The following CDK14 variants were observed in gnomAD, a reference collection of about 807,000 sequenced individuals.
CDK14 encodes the protein cyclin dependent kinase 14.
Under a neutral mutation model 60.7 loss-of-function variants are expected in CDK14, and 34 were observed. That is an observed-to-expected ratio of 0.56 (90% confidence interval 0.43 to 0.75). The LOEUF is 0.75. Among genes scored for constraint, CDK14 ranks in the 30% least tolerant of loss-of-function variants. CDK14 has a pLI of 0.00. For synonymous variants in CDK14, 197 were observed against 203.7 expected, an observed-to-expected ratio of 0.97 and a Z score of 0.28; for missense variants, 482 against 564.1, an observed-to-expected ratio of 0.85 and a Z score of 1.47.
intron 6 of CDK14, among the ~76,000 whole-genome samples, chr7:90,894,761 A>G (rs1374620859): frequency 1.3e-5 from 2 of 152,236 alleles, no homozygotes; most frequent in Admixed American, 1.3e-4. Context: ...CATGCCATAT[A>G]TATAACACCA....
intron 5 of CDK14, among the ~76,000 whole-genome samples, chr7:90,844,988 G>T (rs1450816490): frequency 6.6e-6 from 1 of 152,048 alleles, no homozygotes; most frequent in Non-Finnish European, 1.5e-5. Context: ...AATATCTAGC[G>T]AGAGAGAGAG....
chr7:91,013,698 C>T (rs1250112842), intron 10 of CDK14, among the ~76,000 whole-genome samples: 2 of 139,688 alleles, frequency 1.4e-5, no homozygotes, highest in African/African-American at 5.3e-5. Flanking sequence ...ACTGCTTCTC[C>T]TTGATTTACC....
intron 5 of CDK14, among the ~76,000 whole-genome samples, chr7:90,816,624 T>G (rs1789368769): frequency 6.6e-6 from 1 of 152,148 alleles, no homozygotes; most frequent in South Asian, 2.1e-4. Flanking sequence ...TATTGAAGAT[T>G]GTGTCCAGTT....
intron 5 of CDK14, among the ~76,000 whole-genome samples, chr7:90,861,311 C>T (rs1226655827): frequency 1.3e-5 from 2 of 152,102 alleles, no homozygotes; most frequent in Non-Finnish European, 2.9e-5. Flanking sequence ...CTCCAAAAGT[C>T]ATAAATCCAA....
intron 2 of CDK14, among the ~76,000 whole-genome samples, chr7:90,644,957 G>A (rs1453471288): frequency 1.3e-5 from 2 of 152,158 alleles, no homozygotes; most frequent in Admixed American, 1.3e-4. Context: ...TAAGGTAGAT[G>A]GTTATGAATT....
At chr7:91,029,043 A>G (rs1796682789) in intron 10 of CDK14, among the ~76,000 whole-genome samples, 1 of 152,144 alleles carries the variant, frequency 6.6e-6, no homozygotes, top group Non-Finnish European at 1.5e-5. Flanking sequence ...GCCAATGTCC[A>G]GAAGAGTTTT....
intron 14 of CDK14, among the ~76,000 whole-genome samples, chr7:91,193,439 C>G (rs1380536047): frequency 6.6e-6 from 1 of 152,044 alleles, no homozygotes; most frequent in Non-Finnish European, 1.5e-5. Context: ...CTTCTTGGCA[C>G]TAGTGTTTAT....
At chr7:90,603,110 A>G (rs866221802) in intron 1 of CDK14, among the ~76,000 whole-genome samples, 2 of 152,240 alleles carry the variant, frequency 1.3e-5, no homozygotes, top group South Asian at 4.1e-4. Flanking sequence ...TGTATAAAGC[A>G]GCAAACACCT....
At chr7:90,683,296 G>A (rs1801358288) in intron 2 of CDK14, among the ~76,000 whole-genome samples, 2 of 152,084 alleles carry the variant, frequency 1.3e-5, no homozygotes, top group Non-Finnish European at 2.9e-5. Flanking sequence ...ATTAATTACT[G>A]TTTTTAAAGA....
intron 4 of CDK14, among the ~76,000 whole-genome samples, chr7:90,771,685 G>A (rs6953069): frequency 0.083 from 12,566 of 152,244 alleles, 583 homozygotes; most frequent in South Asian, 0.11. Flanking sequence ...GGGCTGAAGT[G>A]AAGGCTTGGC....
intron 4 of CDK14, among the ~76,000 whole-genome samples, chr7:90,783,601 TA>T (rs1805438089): frequency 6.6e-6 from 1 of 151,898 alleles, no homozygotes; most frequent in Non-Finnish European, 1.5e-5. Flanking sequence ...AAAGATCGAT[TA>T]AAAAATGGGC....
chr7:90,714,374 C>A (rs532834117), intron 2 of CDK14, among the ~76,000 whole-genome samples: 1 of 151,996 alleles, frequency 6.6e-6, no homozygotes, highest in Non-Finnish European at 1.5e-5. Flanking sequence ...GTGTGTATCC[C>A]ACTGCTGTGC....
chr7:90,652,948 C>G (rs1800675094), intron 2 of CDK14, among the ~76,000 whole-genome samples: 1 of 152,116 alleles, frequency 6.6e-6, no homozygotes. Flanking sequence ...TGCTAGATAT[C>G]TTGTATTTGC....
At chr7:90,878,153 C>T (rs1285381677) in intron 6 of CDK14, among the ~76,000 whole-genome samples, 1 of 151,686 alleles carries the variant, frequency 6.6e-6, no homozygotes, top group African/African-American at 2.4e-5. Flanking sequence ...TCAAGGTTTT[C>T]ATTAAAACTG....
chr7:90,844,660 A>G (rs751732441), intron 5 of CDK14, among the ~76,000 whole-genome samples: 5 of 152,174 alleles, frequency 3.3e-5, no homozygotes, highest in Non-Finnish European at 5.9e-5. Context: ...TCTGTTGTTC[A>G]TGTGATCTTA....
At chr7:90,673,485 A>G (rs1018697115) in intron 2 of CDK14, among the ~76,000 whole-genome samples, 2 of 146,580 alleles carry the variant, frequency 1.4e-5, no homozygotes, top group African/African-American at 5.0e-5. Flanking sequence ...CCGGTGGCAC[A>G]GTCACGGCTC....
rs1470527039 is a variant in CDK14, at chr7:90,596,508, G to A, written c.-120G>A. 1 of 768,166 alleles carries A rather than the reference G, an allele frequency of 1.3e-6. No homozygotes were observed. Among genetic ancestry groups the A allele is most frequent in the Non-Finnish European group, 2.2e-6 (1 of 461,568 alleles). The allele number at this position is 768,166 out of a possible 1,614,324, so 47.6% of individuals were successfully genotyped here. A position where few individuals can be genotyped will look rare whatever the true frequency, so the allele number is the denominator to read the frequency against. On this transcript the variant is annotated 5_prime_UTR_variant, in exon 1 of 15. Coordinates refer to ENST00000380050, the MANE Select transcript of CDK14 (RefSeq NM_001287135.2). ...TCCCTAGACCTGCGCGTCGCTTCCCGGCCCGCCGAGGAGGTGGTGGAGGAG... is the reference window on the plus strand; with the variant it reads ...TCCCTAGACCTGCGCGTCGCTTCCCAGCCCGCCGAGGAGGTGGTGGAGGAG...
intron 4 of CDK14, among the ~76,000 whole-genome samples, 163 bp downstream of exon 4, chr7:90,747,938 G>T (rs540976836): frequency 6.6e-5 from 8 of 121,416 alleles, no homozygotes; most frequent in Non-Finnish European, 1.0e-4. Context: ...AAAACTCATT[G>T]GAATTGGTGT....
intron 2 of CDK14, among the ~76,000 whole-genome samples, chr7:90,677,365 C>G (rs1026664207): frequency 6.6e-6 from 1 of 152,182 alleles, no homozygotes; most frequent in African/African-American, 2.4e-5. Flanking sequence ...TAGTTTCATA[C>G]TAATTTTCAC....
Sources: gnomAD v4.1 joint callset for allele counts (sites outside exome capture counted in the v4.1 genomes callset) on GRCh38, gnomAD v4.1.1 for gene constraint, MANE v1.5 for transcripts, NCBI Gene and HGNC (gene_info 2026-07-23, HGNC 2026-07-21) for gene names.